Variants in STPG2 observed in about 807,000 individuals in gnomAD.
STPG2 encodes the protein sperm tail PG-rich repeat containing 2, also known as sperm-tail PG-rich repeat-containing protein 2.
A neutral mutation model predicts 54.2 loss-of-function variants in STPG2; 56 were observed. The observed-to-expected ratio is 1.03, with a 90% CI of 0.83 to 1.29. The LOEUF is 1.29. Ranked by LOEUF, STPG2 falls within the 50% of genes most tolerant of loss-of-function variation. The pLI, the probability that STPG2 is intolerant of heterozygous loss-of-function variation, is 0.00. For missense variants in STPG2, 596 were observed against 544.9 expected (o/e 1.09, Z -0.93); for synonymous variants, 200 against 181.8 (o/e 1.10, Z -0.81).
intron 4 of STPG2, among the ~76,000 whole-genome samples, chr4:97,468,020 G>A (rs976558508): frequency 6.6e-6 from 1 of 151,768 alleles, no homozygotes; most frequent in Admixed American, 6.6e-5. Flanking sequence ...TAAAGATTTT[G>A]CTACATATCC....
chr4:97,924,213 C>A (rs35157639), intron 8 of STPG2, among the ~76,000 whole-genome samples: 1 of 151,980 alleles, frequency 6.6e-6, no homozygotes, highest in Non-Finnish European at 1.5e-5. Flanking sequence ...CCGGACACAC[C>A]ACCTTTAAGA....
intron 4 of STPG2, among the ~76,000 whole-genome samples, chr4:97,537,296 C>T (rs546060320): frequency 7.2e-5 from 11 of 152,262 alleles, no homozygotes; most frequent in African/African-American, 2.6e-4. Flanking sequence ...CTTTCATAGC[C>T]AAGCAAAGCT....
At chr4:98,077,155 T>G (rs1422022255) in intron 5 of STPG2, among the ~76,000 whole-genome samples, 2 of 152,194 alleles carry the variant, frequency 1.3e-5, no homozygotes, top group East Asian at 3.8e-4. Flanking sequence ...ATGTTTCTCA[T>G]TTTCCATTTC....
At chr4:97,829,425 G>A (rs558105812) in intron 9 of STPG2, among the ~76,000 whole-genome samples, 8 of 152,154 alleles carry the variant, frequency 5.3e-5, no homozygotes, top group South Asian at 2.1e-4. Context: ...AGAAACCAGC[G>A]TAAAAAGGCT....
chr4:97,610,621 T>C lies in STPG2; in HGVS notation c.1321-51504A>G, dbSNP rs564763342. Among the ~76,000 whole-genome samples, 17 of 152,110 alleles carry C rather than the reference T, an allele frequency of 1.1e-4. 1 individual carries two copies. In the East Asian group the frequency reaches 1.5e-3, roughly 14 times the overall value. ...CCAATCTACACAGTCACATAGCTGA[T>C]CAGGAAGTGAAAGCAGGAGATCCGG... On this transcript the variant is annotated intron_variant, in intron 10 of 10. Transcript: ENST00000295268.
intron 10 of STPG2, among the ~76,000 whole-genome samples, chr4:97,614,093 T>C (rs533118897): frequency 1.3e-5 from 2 of 152,096 alleles, no homozygotes; most frequent in African/African-American, 4.8e-5. Context: ...AAAAAGTTCA[T>C]GGAAAAAGGG....
chr4:97,635,256 G>C (rs904982164), intron 10 of STPG2, among the ~76,000 whole-genome samples: 1 of 152,124 alleles, frequency 6.6e-6, no homozygotes, highest in Non-Finnish European at 1.5e-5. Context: ...CATAAGTGAA[G>C]GAGAAATAAA....
intron 8 of STPG2, among the ~76,000 whole-genome samples, chr4:97,942,511 T>A (rs531996205): frequency 6.7e-6 from 1 of 148,562 alleles, no homozygotes; most frequent in African/African-American, 2.5e-5. Flanking sequence ...AATTTATAAT[T>A]ACAAAAATCT....
At position 97,558,900 on chromosome 4, in the gene STPG2, T is replaced by C; in HGVS notation, c.*158A>G. 1.7e-6 allele frequency: 1 copy of C among 599,714 alleles called. No individual in the cohort carries two copies. Among genetic ancestry groups the C allele is most frequent in the Non-Finnish European group, 3.0e-6 (1 of 338,294 alleles). The allele number at this position is 599,714 out of a possible 1,614,324, so 37.1% of individuals were successfully genotyped here. ...TGTCTTAACAAGGTTTATTTCTCCGTGGTTGTGTCATATAGTCACTAAAGC... is the reference window on the plus strand; with the variant it reads ...TGTCTTAACAAGGTTTATTTCTCCGCGGTTGTGTCATATAGTCACTAAAGC... On this transcript the variant is annotated 3_prime_UTR_variant, in exon 11 of 11. Coordinates refer to ENST00000295268, the MANE Select transcript of STPG2 (RefSeq NM_174952.3).
intron 5 of STPG2, among the ~76,000 whole-genome samples, chr4:97,989,599 T>G (rs1272699566): frequency 6.6e-6 from 1 of 152,192 alleles, no homozygotes; most frequent in Non-Finnish European, 1.5e-5. Flanking sequence ...AACCTCAACA[T>G]ATAATTTTTT....
At chr4:98,042,302 A>C (rs962164572) in intron 5 of STPG2, among the ~76,000 whole-genome samples, 1 of 150,646 alleles carries the variant, frequency 6.6e-6, no homozygotes, top group Non-Finnish European at 1.5e-5. Flanking sequence ...ATTTTTTTGT[A>C]CTTTTTTTAC....
At chr4:98,008,100 A>C (rs1218643062) in intron 5 of STPG2, among the ~76,000 whole-genome samples, 1 of 152,154 alleles carries the variant, frequency 6.6e-6, no homozygotes, top group African/African-American at 2.4e-5. Flanking sequence ...AGGCCCAAAG[A>C]ACACCAGTAA....
chr4:97,941,234 T>A (rs1229685161), intron 8 of STPG2, among the ~76,000 whole-genome samples: 2 of 152,020 alleles, frequency 1.3e-5, no homozygotes, highest in African/African-American at 2.4e-5. Flanking sequence ...CTGTGGAAGC[T>A]TCAAGGATAT....
intron 1 of STPG2, among the ~76,000 whole-genome samples, chr4:98,139,990 T>G (rs567389926): frequency 2.0e-5 from 3 of 152,346 alleles, no homozygotes; most frequent in African/African-American, 7.2e-5. Context: ...TTAGTGGGTC[T>G]GCCAGATAAG....
rs548672091 is a variant in STPG2 at position 97,852,800 on chromosome 4, A to G, written c.1045-11868T>C. On this transcript the variant is annotated intron_variant, in intron 8 of 10. Coordinates refer to ENST00000295268, the MANE Select transcript of STPG2 (RefSeq NM_174952.3). ...AAGAAGAAAGGAACATTGTCTAGAC[A>G]GAGACATATAGATCCCCAATAATAT... is the stretch of plus-strand genomic sequence containing the variant. Among the ~76,000 whole-genome samples the G allele has an allele frequency of 1.2e-3, 181 of 152,172 alleles. 1 individual carries two copies. Among genetic ancestry groups the G allele is most frequent in the South Asian group, 4.6e-3 (22 of 4,812 alleles).
chr4:97,498,069 A>G (rs1027830705), intron 4 of STPG2, among the ~76,000 whole-genome samples: 2 of 151,874 alleles, frequency 1.3e-5, no homozygotes, highest in Admixed American at 1.3e-4. Flanking sequence ...TTCAATAAGA[A>G]CTTTTCTCTT....
intron 5 of STPG2, 96 bp downstream of exon 5, chr4:98,105,857 G>A: frequency 9.5e-7 from 1 of 1,049,070 alleles, no homozygotes; most frequent in Non-Finnish European, 1.4e-6. Flanking sequence ...TTAGCTATCA[G>A]GCACATTAGA....
chr4:97,904,187 C>T (rs1651268667), intron 8 of STPG2, among the ~76,000 whole-genome samples: 2 of 152,228 alleles, frequency 1.3e-5, no homozygotes, highest in African/African-American at 4.8e-5. Flanking sequence ...CCTCTGCAGA[C>T]TTAAATGTCC....
intron 8 of STPG2, among the ~76,000 whole-genome samples, chr4:97,903,026 A>T (rs1365493066): frequency 6.6e-6 from 1 of 152,204 alleles, no homozygotes; most frequent in East Asian, 1.9e-4. Flanking sequence ...AGTCAAACTC[A>T]TAGAAACAGA....
Sources: allele counts gnomAD v4.1 joint callset (sites outside exome capture counted in the v4.1 genomes callset), GRCh38; gene constraint gnomAD v4.1.1; transcripts MANE v1.5; gene names NCBI Gene and HGNC (gene_info 2026-07-23, HGNC 2026-07-21).